The following ANK3 variants were observed in gnomAD, a reference collection of about 807,000 sequenced individuals.
ANK3 encodes ankyrin-3.
In ANK3, 57 loss-of-function variants were observed where a neutral mutation model predicts 370.9. The observed-to-expected ratio is 0.15, with a 90% confidence interval of 0.12 to 0.19. The LOEUF is 0.19. Ranked by LOEUF, ANK3 falls within the 10% of genes least tolerant of loss-of-function variation. The pLI, the probability that ANK3 is intolerant of heterozygous loss-of-function variation, is 1.00. For missense variants in ANK3, 4,439 were observed against 5,302.1 expected (o/e 0.84, Z 5.06); for synonymous variants, 1,929 against 1,946.3 (o/e 0.99, Z 0.23).
At chr10:60,111,353 C>T (rs942687466) in intron 26 of ANK3, among the ~76,000 whole-genome samples, 2 of 152,120 alleles carry the variant, frequency 1.3e-5, no homozygotes, top group Non-Finnish European at 2.9e-5. Context: ...AGGTTCTCAA[C>T]TTCATAGAGT....
chr10:60,174,503 A>C (rs1171950589), intron 18 of ANK3, among the ~76,000 whole-genome samples: 1 of 148,196 alleles, frequency 6.7e-6, no homozygotes, highest in African/African-American at 2.5e-5. Context: ...AAGCTTGAAA[A>C]TAATGTGTCC....
chr10:60,042,262 G>A (rs570389457), intron 43 of ANK3, among the ~76,000 whole-genome samples: 1 of 152,302 alleles, frequency 6.6e-6, no homozygotes, highest in South Asian at 2.1e-4. Flanking sequence ...GATATCCTCA[G>A]ATGCCGTTCT....
At chr10:60,666,731 T>C (rs909035429) in intron 1 of ANK3, among the ~76,000 whole-genome samples, 1 of 152,222 alleles carries the variant, frequency 6.6e-6, no homozygotes, top group African/African-American at 2.4e-5. Context: ...TCTATAAGTC[T>C]ATCATTCTCA....
chr10:60,731,286 A>C (rs1227708967), intron 1 of ANK3, among the ~76,000 whole-genome samples: 4 of 152,218 alleles, frequency 2.6e-5, no homozygotes, highest in Non-Finnish European at 5.9e-5. Flanking sequence ...ACTAATATAA[A>C]CACCACCACA....
At chr10:60,625,951 C>T (rs1467433500) in intron 1 of ANK3, among the ~76,000 whole-genome samples, 1 of 152,122 alleles carries the variant, frequency 6.6e-6, no homozygotes, top group Non-Finnish European at 1.5e-5. Context: ...ACATTCAAAG[C>T]TGTCAACTTT....
chr10:60,419,894 TC>T (rs1427905674), intron 2 of ANK3, among the ~76,000 whole-genome samples: 1 of 152,174 alleles, frequency 6.6e-6, no homozygotes, highest in African/African-American at 2.4e-5. Flanking sequence ...GCTTTTCTTT[TC>T]TCTACATATC....
chr10:60,168,227 C>T (rs554774685), intron 21 of ANK3, among the ~76,000 whole-genome samples: 28 of 152,152 alleles, frequency 1.8e-4, no homozygotes, highest in Admixed American at 1.2e-3. Flanking sequence ...GTTTTCACCA[C>T]GTTGGCCAGG....
rs376840163 is a variant in ANK3, at chr10:60,504,981, T to C, written c.96+110205A>G. Among the ~76,000 whole-genome samples the C allele has an allele frequency of 7.8e-4, 119 of 152,258 alleles. 2 individuals carry two copies. The highest frequency in any genetic ancestry group is 2.6e-3 in the African/African-American group (110 of 41,562). On this transcript the variant is annotated intron_variant, in intron 2 of 43. Coordinates refer to the ANK3 transcript ENST00000373827. ...TATGAAGGGATCATTATAACTTTTC[T>C]ATGTGTGAATATTGTTGTAGTTATC...
chr10:60,710,403 G>C (rs939704117), intron 1 of ANK3, among the ~76,000 whole-genome samples: 5 of 149,724 alleles, frequency 3.3e-5, no homozygotes, highest in Non-Finnish European at 7.4e-5. Context: ...ACCATGAATG[G>C]TCTGTGTTTA....
At chr10:60,572,738 C>G in intron 2 of ANK3, 1 of 1,364,610 alleles carries the variant, frequency 7.3e-7, no homozygotes, top group Non-Finnish European at 9.4e-7. Flanking sequence ...CAGGAAGAAA[C>G]TGGGTGTTCT....
At chr10:60,683,692 CT>C (rs1407820613) in intron 1 of ANK3, among the ~76,000 whole-genome samples, 2 of 152,176 alleles carry the variant, frequency 1.3e-5, no homozygotes, top group African/African-American at 4.8e-5. Flanking sequence ...CTTCAGTTTC[CT>C]TTCTTCAGAA....
At chr10:60,381,131 T>G (rs2061493369) in intron 1 of ANK3, among the ~76,000 whole-genome samples, 1 of 152,200 alleles carries the variant, frequency 6.6e-6, no homozygotes, top group South Asian at 2.1e-4. Context: ...GAATCTTATC[T>G]TGTATAAGTA....
At chr10:60,633,884 T>C (rs1022181798) in intron 1 of ANK3, among the ~76,000 whole-genome samples, 1 of 152,232 alleles carries the variant, frequency 6.6e-6, no homozygotes, top group African/African-American at 2.4e-5. Context: ...GCTGTTGTTT[T>C]TGCCTAAGAA....
chr10:60,378,241 T>C (rs537169713), intron 1 of ANK3, among the ~76,000 whole-genome samples: 9 of 152,298 alleles, frequency 5.9e-5, no homozygotes, highest in Admixed American at 5.2e-4. Flanking sequence ...CTGGTGTTAA[T>C]TTCTTACCAT....
At chr10:60,582,734 G>A (rs2133282025) in intron 2 of ANK3, among the ~76,000 whole-genome samples, 1 of 151,458 alleles carries the variant, frequency 6.6e-6, no homozygotes, top group South Asian at 2.1e-4. Context: ...CAGATGTATA[G>A]TTTGCAAATA....
intron 25 of ANK3, among the ~76,000 whole-genome samples, chr10:60,125,117 A>G (rs113539157): frequency 0.037 from 5,570 of 152,272 alleles, 167 homozygotes; most frequent in Non-Finnish European, 0.056. Flanking sequence ...AGTAAAATAA[A>G]ATAAAAATTA....
chr10:60,733,416 G>C (rs1011466194), exon 1 of ANK3: 2 of 1,109,586 alleles, frequency 1.8e-6, no homozygotes, highest in African/African-American at 1.6e-5. Flanking sequence ...TTGGGAAAAA[G>C]TTCGGCCGCG....
chr10:60,668,109 C>T (rs756771194), intron 1 of ANK3, among the ~76,000 whole-genome samples: 5 of 151,318 alleles, frequency 3.3e-5, no homozygotes, highest in Non-Finnish European at 4.4e-5. Context: ...GCTCCTTGAC[C>T]GATTCCAAAT....
At chr10:60,066,322 G>A (rs1395465714) in intron 38 of ANK3, among the ~76,000 whole-genome samples, 2 of 152,070 alleles carry the variant, frequency 1.3e-5, no homozygotes, top group African/African-American at 4.8e-5. Flanking sequence ...TTTGCTTAAG[G>A]AAAATAATCT....
Sources: gnomAD v4.1 joint callset for allele counts (sites outside exome capture counted in the v4.1 genomes callset) on GRCh38, gnomAD v4.1.1 for gene constraint, MANE v1.5 for transcripts, NCBI Gene and HGNC (gene_info 2026-07-23, HGNC 2026-07-21) for gene names.